Variants in ADGRA3 observed in about 807,000 individuals in gnomAD.
The protein encoded by ADGRA3 is G-protein coupled receptor 125.
A neutral mutation model predicts 119.8 loss-of-function variants in ADGRA3; 56 were observed. The ratio of observed to expected loss-of-function variants is 0.47; its 90% CI spans 0.38 to 0.58. ADGRA3 has a LOEUF of 0.58. Ranked by LOEUF, ADGRA3 falls within the 20% of genes least tolerant of loss-of-function variation. ADGRA3 has a pLI of 0.00. For missense variants in ADGRA3, 1,516 were observed against 1,649.0 expected (o/e 0.92, Z 1.40); for synonymous variants, 607 against 623.8 (o/e 0.97, Z 0.40).
intron 16 of ADGRA3, chr4:22,394,418 T>C (rs543563417): frequency 5.6e-4 from 85 of 152,362 alleles, no homozygotes; most frequent in African/African-American, 2.0e-3. Flanking sequence ...AGTGGCTTCA[T>C]GGTTCCCATT....
At chr4:22,443,311 G>GA (rs558728057) in intron 6 of ADGRA3, among the ~76,000 whole-genome samples, 2 of 151,922 alleles carry the variant, frequency 1.3e-5, no homozygotes, top group African/African-American at 2.4e-5. Flanking sequence ...AAAGAAAACA[G>GA]AAAAAAACAG....
Position 22,401,365 on chromosome 4 carries a change from A to T in ADGRA3, c.2481+66T>A. ...TATTAAAGAATGATTTTTTCTTTTT[A>T]TAGTTAATGAAATTATCTTCTAATA... On this transcript the variant is annotated intron_variant, in intron 16 of 18. Coordinates refer to ENST00000334304, the MANE Select transcript of ADGRA3 (RefSeq NM_145290.4). The T allele has an allele frequency of 4.3e-6, 6 of 1,403,094 alleles. No individual in the cohort carries two copies. In the Admixed American group the frequency reaches 6.6e-5, roughly 16 times the overall value. The allele number at this position is 1,403,094 out of a possible 1,614,324, so 86.9% of individuals were successfully genotyped here.
In ADGRA3 at chr4:22,388,027, T is replaced by C. The variant is rs1713917185; in HGVS notation, c.3644A>G (p.Glu1215Gly). ...AGCTCTTCGGCTCCTCGAGTGTCCT[T>C]CGTTATTGCCCAGCCGGCTTTTAGG... is the stretch of plus-strand genomic sequence containing the variant. ...GLPKSRLGNNEGHSRSRRAYL... is the reference protein window; with the variant it reads ...GLPKSRLGNNGGHSRSRRAYL... Residue 1215 changes from glutamate to glycine, a missense_variant, in exon 19 of 19, where the codon GAA becomes GGA. Around this residue, in one of 2 missense-constraint regions of ADGRA3, gnomAD observed 1,088 missense variants for 1,107.1 expected, o/e 0.98. Coordinates refer to ENST00000334304, the MANE Select transcript of ADGRA3 (RefSeq NM_145290.4). 1.2e-6 allele frequency: 2 copies of C among 1,614,136 alleles called. No individual in the cohort carries two copies. The highest frequency in any genetic ancestry group is 4.5e-5 in the East Asian group (2 of 44,860).
intron 1 of ADGRA3, among the ~76,000 whole-genome samples, chr4:22,484,730 T>C (rs898647412): frequency 6.6e-6 from 1 of 152,042 alleles, no homozygotes; most frequent in Non-Finnish European, 1.5e-5. Flanking sequence ...GGCATTTCAC[T>C]GGGTGGGAAA....
intron 17 of ADGRA3, among the ~76,000 whole-genome samples, chr4:22,391,801 C>T (rs1714144575): frequency 6.6e-6 from 1 of 152,192 alleles, no homozygotes; most frequent in African/African-American, 2.4e-5. Context: ...GTTTCCTCAG[C>T]TCACTCTTCA....
chr4:22,388,054 A>G lies in ADGRA3; in HGVS notation c.3617T>C (p.Leu1206Ser). ...GTTATTGCCCAGCCGGCTTTTAGGT[A>G]AGCCGTTCTGCACGCTTCCTTCCAC... The part of the protein sequence containing the change: ...TSVEGSVQNG[L>S]PKSRLGNNEG... The change falls in exon 19 of 19, where the codon TTA (leucine) becomes TCA (serine). Residue 1206 changes from leucine to serine, a missense_variant. Transcript: ENST00000334304. 6.2e-7 allele frequency: 1 copy of G among 1,614,108 alleles called. No homozygotes were observed. The highest frequency in any genetic ancestry group is 8.5e-7 in the Non-Finnish European group (1 of 1,180,012).
chr4:22,487,367 A>T (rs1445696327), intron 1 of ADGRA3, among the ~76,000 whole-genome samples: 2 of 152,202 alleles, frequency 1.3e-5, no homozygotes, highest in African/African-American at 4.8e-5. Flanking sequence ...CATAAAGAGC[A>T]TGCAACCTAG....
rs373618151 is a variant in ADGRA3 at position 22,424,589 on chromosome 4, C to T, written c.1444-237G>A. 3.3e-5 allele frequency among the ~76,000 whole-genome samples: 5 copies of T among 152,238 alleles called. No individual in the cohort carries two copies. The East Asian group carries it at 9.7e-4, about 29-fold the overall frequency. ...GCATATGTAAGTGGCCACCACATCACTGGTGAAAAGACTGCCAGGTGTTAT... is the reference window on the plus strand; with the variant it reads ...GCATATGTAAGTGGCCACCACATCATTGGTGAAAAGACTGCCAGGTGTTAT... On this transcript the variant is annotated intron_variant, in intron 10 of 18. Transcript: ENST00000334304.
At chr4:22,444,935 T>C in intron 6 of ADGRA3, 38 bp downstream of exon 6, 1 of 1,605,568 alleles carries the variant, frequency 6.2e-7, no homozygotes, top group Non-Finnish European at 8.5e-7. Flanking sequence ...CAAGTCAAAA[T>C]ATGGTAAATG....
Position 22,515,682 on chromosome 4 carries a change from C to T in ADGRA3, c.103G>A (p.Gly35Ser). ...LALLGGGGGGGAAALPAGCKH... is the reference protein window; with the variant it reads ...LALLGGGGGGSAAALPAGCKH... ...CAGCCGGCGGGCAGCGCCGCGGCGC[C>T]GCCGCCGCCGCCGCCTCCCAGCAGC... The change falls in exon 1 of 19, where the codon GGC becomes AGC. Residue 35 changes from glycine to serine, a missense_variant. Gly to Ser is a moderately conservative substitution (Grantham distance 56). Transcript: ENST00000334304. The T allele has an allele frequency of 9.0e-7, 1 of 1,105,462 alleles. No homozygotes were observed. Among genetic ancestry groups the T allele is most frequent in the Non-Finnish European group, 1.1e-6 (1 of 910,608 alleles). The allele number at this position is 1,105,462 out of a possible 1,614,324, so 68.5% of individuals were successfully genotyped here.
At chr4:22,428,963 TG>T (rs1011746408) in intron 10 of ADGRA3, among the ~76,000 whole-genome samples, 11 of 152,000 alleles carry the variant, frequency 7.2e-5, no homozygotes, top group Non-Finnish European at 1.5e-4. Context: ...ACTGAAGAAA[TG>T]GGTGGAAGGG....
chr4:22,392,758 G>T, intron 16 of ADGRA3, 68 bp from the exon 17 acceptor site: 1 of 1,429,468 alleles, frequency 7.0e-7, no homozygotes, highest in Non-Finnish European at 9.5e-7. Flanking sequence ...CTCAAAATTG[G>T]TAAGTAACTC....
intron 1 of ADGRA3, among the ~76,000 whole-genome samples, chr4:22,509,868 G>A (rs180754645): frequency 2.4e-4 from 37 of 151,978 alleles, no homozygotes; most frequent in African/African-American, 8.4e-4. Context: ...AAATTAGCCC[G>A]GCGTGGTAGC....
At chr4:22,479,291 A>G (rs1468208831) in intron 1 of ADGRA3, among the ~76,000 whole-genome samples, 1 of 152,112 alleles carries the variant, frequency 6.6e-6, no homozygotes, top group African/African-American at 2.4e-5. Context: ...GTGAAACACC[A>G]TCTCTACTAA....
chr4:22,392,728 A>T (rs778132302), intron 16 of ADGRA3, 38 bp from the exon 17 acceptor site: 2 of 1,579,544 alleles, frequency 1.3e-6, no homozygotes, highest in Admixed American at 1.9e-5. Context: ...AAGAAAAAAA[A>T]TGTTCCTACT....
chr4:22,454,215 A>T (rs2109091104), intron 4 of ADGRA3, among the ~76,000 whole-genome samples: 1 of 152,252 alleles, frequency 6.6e-6, no homozygotes, highest in South Asian at 2.1e-4. Flanking sequence ...GGCTTATACA[A>T]AGTTCTTCTA....
At chr4:22,460,519 C>T (rs1185252614) in intron 3 of ADGRA3, among the ~76,000 whole-genome samples, 1 of 152,180 alleles carries the variant, frequency 6.6e-6, no homozygotes, top group East Asian at 1.9e-4. Flanking sequence ...ACTAACTGGA[C>T]TTTATCTACC....
At chr4:22,410,034 G>A (rs565480192) in intron 14 of ADGRA3, among the ~76,000 whole-genome samples, 1 of 152,036 alleles carries the variant, frequency 6.6e-6, no homozygotes, top group Non-Finnish European at 1.5e-5. Flanking sequence ...TAGAGTAAAT[G>A]ATATCAAAGT....
intron 1 of ADGRA3, among the ~76,000 whole-genome samples, chr4:22,501,924 A>T (rs913561448): frequency 8.6e-5 from 13 of 150,626 alleles, no homozygotes; most frequent in African/African-American, 2.7e-4. Flanking sequence ...CGAATGTGTA[A>T]TTTTTTTTTT....
Sources: gnomAD v4.1 joint callset for allele counts (sites outside exome capture counted in the v4.1 genomes callset) on GRCh38, gnomAD v4.1.1 for gene constraint, gnomAD v4.1.1 regional missense constraint, MANE v1.5 for transcripts, NCBI Gene and HGNC (gene_info 2026-07-23, HGNC 2026-07-21) for gene names.